SMG6: variants seen among roughly 807,000 people sequenced by gnomAD.
SMG6 encodes telomerase-binding protein EST1A.
A neutral mutation model predicts 142.2 loss-of-function variants in SMG6; 66 were observed. The observed-to-expected ratio is 0.46, with a 90% confidence interval of 0.38 to 0.57. The LOEUF (loss-of-function observed/expected upper bound fraction) is 0.57, where lower values mean the gene tolerates loss of function less well. Among genes scored for constraint, SMG6 ranks in the 20% least tolerant of loss-of-function variants. The pLI is 0.00. For missense variants in SMG6, 1,793 were observed against 1,832.0 expected, an observed-to-expected ratio of 0.98 and a Z score of 0.39; for synonymous variants, 779 against 702.4, an observed-to-expected ratio of 1.11 and a Z score of -1.72.
chr17:2,065,797 AG>A, intron 16 of SMG6, 118 bp from the exon 17 acceptor site: 1 of 844,614 alleles, frequency 1.2e-6, no homozygotes, highest in Non-Finnish European at 1.9e-6. Flanking sequence ...CTTCCCCCAC[AG>A]GAGTCTTCCA....
chr17:2,266,213 G>A (rs2074420435), intron 8 of SMG6: 1 of 982,738 alleles, frequency 1.0e-6, no homozygotes, highest in Non-Finnish European at 1.2e-6. Flanking sequence ...CTTTCCGGAT[G>A]GTAACTAAAG....
At chr17:2,139,396 G>T (rs2070401820) in intron 13 of SMG6, among the ~76,000 whole-genome samples, 1 of 151,186 alleles carries the variant, frequency 6.6e-6, no homozygotes, top group Non-Finnish European at 1.5e-5. Flanking sequence ...AAGACCGTGT[G>T]AAACTTATGG....
chr17:2,298,945 C>T lies in SMG6; in HGVS notation c.1808G>A (p.Arg603His), dbSNP rs774498651. 2.0e-5 allele frequency: 33 copies of T among 1,614,032 alleles called. No homozygotes were observed. Among genetic ancestry groups the T allele is most frequent in the Admixed American group, 5.0e-5 (3 of 60,006 alleles). ...LQLSNLLSRD[R>H]ISPEGLEKMA... ...CTTCTCCAGGCCCTCCGGACTGATG[C>T]GGTCCCTGGAGAGCAGGTTGCTGAG... Residue 603 changes from arginine (R) to histidine (H), a missense_variant, in exon 2 of 19, where the codon CGC (arginine) becomes CAC (histidine). Arg to His is a conservative substitution (Grantham distance 29). Coordinates refer to ENST00000263073, the MANE Select transcript of SMG6 (RefSeq NM_017575.5).
chr17:2,259,116 C>T (rs935016016), intron 8 of SMG6, among the ~76,000 whole-genome samples: 1 of 151,474 alleles, frequency 6.6e-6, no homozygotes, highest in African/African-American at 2.4e-5. Flanking sequence ...TCAGCAGAAC[C>T]GAGACAGACA....
intron 4 of SMG6, among the ~76,000 whole-genome samples, chr17:2,295,251 C>T (rs1014878328): frequency 2.6e-5 from 4 of 152,168 alleles, no homozygotes; most frequent in Non-Finnish European, 5.9e-5. Flanking sequence ...GCCTCTGCTC[C>T]ATAAATCACG....
chr17:2,158,017 G>GAA (rs1285064107), intron 13 of SMG6, among the ~76,000 whole-genome samples: 3 of 152,176 alleles, frequency 2.0e-5, no homozygotes, highest in South Asian at 4.1e-4. Flanking sequence ...TAAAAGAAAA[G>GAA]AAACCACAAG....
chr17:2,150,163 A>G (rs1198469465), intron 13 of SMG6, among the ~76,000 whole-genome samples: 1 of 152,228 alleles, frequency 6.6e-6, no homozygotes, highest in Non-Finnish European at 1.5e-5. Context: ...CAGCAGCATT[A>G]GATTCTCACA....
rs566213925 is a variant in SMG6 at position 2,237,410 on chromosome 17, T to C, written c.2724-773A>G. The C allele has an allele frequency of 2.8e-5, 17 of 614,406 alleles. No individual in the cohort carries two copies. The East Asian group carries it at 1.7e-3, about 60-fold the overall frequency. 38.1% of individuals were successfully genotyped at this position (614,406 alleles called of 1,614,324 possible). On this transcript the variant is annotated intron_variant, in intron 9 of 18. Transcript: ENST00000263073. ...AGCGTTTACTTTAGGTAACCAGACA[T>C]AGTTCTGCTATTGTCTTCTGAGGTA...
intron 13 of SMG6, among the ~76,000 whole-genome samples, chr17:2,130,266 C>CAAAAAAAAAAAAAAAAAAAAAAAAAA (rs903007543): frequency 1.3e-4 from 5 of 39,512 alleles, no homozygotes; most frequent in East Asian, 7.1e-4. Context: ...GACTCCGTCT[C>CAAAAAAAAAAAAAAAAAAAAAAAAAA]AAAAAAAAAA....
At chr17:2,075,185 C>T (rs905465236) in intron 15 of SMG6, among the ~76,000 whole-genome samples, 8 of 152,154 alleles carry the variant, frequency 5.3e-5, no homozygotes, top group African/African-American at 1.7e-4. Context: ...GTGGGGGGCT[C>T]TGTGTATACC....
intron 15 of SMG6, among the ~76,000 whole-genome samples, chr17:2,077,501 T>C (rs1159288119): frequency 6.6e-6 from 1 of 152,094 alleles, no homozygotes; most frequent in East Asian, 1.9e-4. Context: ...AGGGACAGCA[T>C]GAACAAAAAC....
intron 10 of SMG6, among the ~76,000 whole-genome samples, chr17:2,234,794 C>A (rs1473917026): frequency 6.6e-6 from 1 of 151,850 alleles, no homozygotes; most frequent in Non-Finnish European, 1.5e-5. Context: ...GCAACCTCCA[C>A]CTCCCAGGTT....
chr17:2,279,609 G>A (rs749258747), intron 8 of SMG6, among the ~76,000 whole-genome samples: 3 of 152,168 alleles, frequency 2.0e-5, no homozygotes, highest in Non-Finnish European at 4.4e-5. Flanking sequence ...CTTGAACTAC[G>A]ATGGCAGCAA....
intron 13 of SMG6, among the ~76,000 whole-genome samples, chr17:2,142,621 C>T (rs979266706): frequency 2.6e-5 from 4 of 151,360 alleles, no homozygotes; most frequent in Admixed American, 2.0e-4. Context: ...CAGTGGCTCA[C>T]GCCTGTAATC....
intron 6 of SMG6, among the ~76,000 whole-genome samples, chr17:2,285,630 G>C (rs994623121): frequency 1.3e-5 from 2 of 152,148 alleles, no homozygotes; most frequent in African/African-American, 4.8e-5. Flanking sequence ...CTTGAAGCCA[G>C]GAGTTCAGGA....
intron 6 of SMG6, among the ~76,000 whole-genome samples, chr17:2,289,149 C>T (rs574178914): frequency 6.7e-6 from 1 of 150,288 alleles, no homozygotes; most frequent in East Asian, 2.0e-4. Context: ...ATTTGGGGGG[C>T]TGAGGCAGAA....
chr17:2,103,230 C>T (rs1012274385), intron 13 of SMG6, among the ~76,000 whole-genome samples: 3 of 152,082 alleles, frequency 2.0e-5, no homozygotes, highest in Non-Finnish European at 4.4e-5. Flanking sequence ...AGGAAAGGAT[C>T]GTTCTGCCAC....
intron 13 of SMG6, among the ~76,000 whole-genome samples, chr17:2,159,284 G>A (rs2071102221): frequency 6.6e-6 from 1 of 152,002 alleles, no homozygotes. Flanking sequence ...AATTAGGTGG[G>A]TGTGTGGTGG....
In SMG6 at chr17:2,186,178, C is replaced by T. The variant is rs1233372581; in HGVS notation, c.3155+485G>A. 4.6e-5 allele frequency among the ~76,000 whole-genome samples: 7 copies of T among 150,614 alleles called. 1 individual carries two copies. In the South Asian group the frequency reaches 6.3e-4, roughly 14 times the overall value. On this transcript the variant is annotated intron_variant, in intron 12 of 18. Coordinates refer to ENST00000263073, the MANE Select transcript of SMG6 (RefSeq NM_017575.5). ...GGAGGTGGAGGTTGCAGTGAGATCG[C>T]GTCACTGCACTCCAGCCTGGGTGAG...
Sources: gnomAD v4.1 joint callset for allele counts (sites outside exome capture counted in the v4.1 genomes callset) on GRCh38, gnomAD v4.1.1 for gene constraint, MANE v1.5 for transcripts, NCBI Gene and HGNC (gene_info 2026-07-23, HGNC 2026-07-21) for gene names.